MAGEA11: variants seen among roughly 807,000 people sequenced by gnomAD.
MAGEA11 encodes the protein melanoma-associated antigen 11.
In MAGEA11, 1 loss-of-function variant was observed where a neutral mutation model predicts 8.4. The observed-to-expected ratio is 0.12, with a 90% CI of 0.04 to 0.57. MAGEA11 has a LOEUF of 0.57. Among genes scored for constraint, MAGEA11 ranks in the 20% least tolerant of loss-of-function variants. The pLI is 0.91. For synonymous variants in MAGEA11, 127 were observed against 119.3 expected (o/e 1.06, Z -0.42); for missense variants, 209 against 317.3 (o/e 0.66, Z 2.59).
chrX:149,713,439 C>T, intron 2 of MAGEA11, 184 bp downstream of exon 2: 1 of 371,975 alleles, frequency 2.7e-6, no homozygotes, highest in Non-Finnish European at 4.6e-6. Flanking sequence ...GGTAGAAAAC[C>T]TGCCCCTGCC....
intron 1 of MAGEA11, among the ~76,000 whole-genome samples, chrX:149,696,855 G>A (rs963517112): frequency 2.7e-5 from 3 of 111,686 alleles, no homozygotes; most frequent in Non-Finnish European, 5.7e-5. Context: ...CCCTCTGCTC[G>A]GGCAGGTCGA....
At chrX:149,709,012 C>T, upstream of MAGEA11, among the ~76,000 whole-genome samples, 1 of 108,724 alleles carries the variant, frequency 9.2e-6, no homozygotes, top group South Asian at 4.0e-4. Flanking sequence ...AATGGCCCGG[C>T]GCAGTGGCTC....
intron 1 of MAGEA11, among the ~76,000 whole-genome samples, chrX:149,693,984 T>C (rs1260713645): frequency 8.9e-6 from 1 of 112,340 alleles, no homozygotes; most frequent in Non-Finnish European, 1.9e-5. Flanking sequence ...ACATTTAGGT[T>C]ATTTCCACTT....
intron 1 of MAGEA11, among the ~76,000 whole-genome samples, chrX:149,696,678 C>T (rs148936974): frequency 6.1e-4 from 68 of 111,194 alleles, no homozygotes; most frequent in African/African-American, 2.0e-3. Flanking sequence ...TCAGTCCTAA[C>T]CCACCTCACT....
intron 1 of MAGEA11, chrX:149,689,040 C>T: frequency 1.1e-6 from 1 of 951,887 alleles, no homozygotes; most frequent in Admixed American, 2.5e-5. Context: ...TGCCCAGGAC[C>T]AACTAATTCA....
At chrX:149,701,593 G>A (rs1241619556) in intron 1 of MAGEA11, among the ~76,000 whole-genome samples, 5 of 110,165 alleles carry the variant, frequency 4.5e-5, no homozygotes, top group Non-Finnish European at 7.6e-5. Context: ...TGTCAATTTC[G>A]TCTTTTGTTG....
chrX:149,688,963 G>A (rs1569561312), exon 1 of MAGEA11: 3 of 1,027,010 alleles, frequency 2.9e-6, no homozygotes, highest in Non-Finnish European at 3.9e-6. Flanking sequence ...ATTGATACAG[G>A]CTAGGAATAC....
At chrX:149,704,234 G>GA (rs1163668889) in intron 1 of MAGEA11, among the ~76,000 whole-genome samples, 1 of 112,098 alleles carries the variant, frequency 8.9e-6, no homozygotes, top group African/African-American at 3.2e-5. Flanking sequence ...TGGGTCCTAG[G>GA]ATAAAGGGTG....
At chrX:149,710,602 C>T (rs1557361832), upstream of MAGEA11, among the ~76,000 whole-genome samples, 1 of 110,998 alleles carries the variant, frequency 9.0e-6, no homozygotes, top group Admixed American at 9.5e-5. Flanking sequence ...TCACACGCCA[C>T]CACACCCAGC....
chrX:149,703,056 T>C (rs1377934235), intron 1 of MAGEA11, among the ~76,000 whole-genome samples: 1 of 111,445 alleles, frequency 9.0e-6, no homozygotes, highest in African/African-American at 3.3e-5. Context: ...AGGCCTAGAC[T>C]AGAGCAATGA....
intron 1 of MAGEA11, among the ~76,000 whole-genome samples, chrX:149,689,399 C>T (rs1185877272): frequency 8.9e-6 from 1 of 111,979 alleles, no homozygotes; most frequent in African/African-American, 3.2e-5. Context: ...CACAATGCAT[C>T]CCATATCTCA....
chrX:149,691,793 A>T (rs2090311601), intron 1 of MAGEA11, among the ~76,000 whole-genome samples: 1 of 112,723 alleles, frequency 8.9e-6, no homozygotes, highest in African/African-American at 3.2e-5. Flanking sequence ...CTCAAAAAAC[A>T]TCAAGGCTTT....
chrX:149,694,686 T>G (rs2090323473), intron 1 of MAGEA11, among the ~76,000 whole-genome samples: 1 of 111,702 alleles, frequency 9.0e-6, no homozygotes. Context: ...TCTTTTCTCT[T>G]TATTTCTTTT....
intron 1 of MAGEA11, among the ~76,000 whole-genome samples, chrX:149,703,058 G>A (rs1333050281): frequency 2.7e-5 from 3 of 111,429 alleles, no homozygotes; most frequent in Non-Finnish European, 5.6e-5. Context: ...GCCTAGACTA[G>A]AGCAATGACA....
At position 149,716,766 on chromosome X, in the gene MAGEA11, A is replaced by T; in HGVS notation, c.1280A>T (p.Glu427Val). The change falls in exon 5 of 5, where the codon GAG becomes GTG. Residue 427 changes from glutamate to valine, a missense_variant. By Grantham distance (121) the Glu-to-Val change is moderately radical (BLOSUM62 -2). This residue lies in a region of MAGEA11 where 78 missense variants were observed against 178.8 expected (regional missense o/e 0.44). Transcript: ENST00000355220. ...LYEDALREEG[E>V]GV ...GAAGATGCTTTGAGAGAGGAGGGAG[A>T]GGGAGTCTGAGCATGAGATGCAACC... 1 of 1,191,160 alleles carries T rather than the reference A, an allele frequency of 8.4e-7. No homozygotes were observed. The highest frequency in any genetic ancestry group is 1.9e-5 in the South Asian group (1 of 52,830).
intron 3 of MAGEA11, 115 bp downstream of exon 3, chrX:149,714,691 G>C: frequency 9.2e-7 from 1 of 1,082,987 alleles, no homozygotes; most frequent in Non-Finnish European, 1.2e-6. Flanking sequence ...ACTATGTGCT[G>C]AGACCCCTCT....
At chrX:149,704,788 C>A (rs1338065548) in intron 1 of MAGEA11, among the ~76,000 whole-genome samples, 2 of 112,467 alleles carry the variant, frequency 1.8e-5, no homozygotes, top group African/African-American at 6.5e-5. Flanking sequence ...CTGGCCTGGT[C>A]TCTTTTATTC....
intron 1 of MAGEA11, among the ~76,000 whole-genome samples, chrX:149,701,001 T>C (rs1337431326): frequency 1.8e-5 from 2 of 109,257 alleles, no homozygotes; most frequent in Admixed American, 9.8e-5. Context: ...GTCTTTGCTA[T>C]TGTGAATAGT....
chrX:149,689,394 T>G (rs183900406), intron 1 of MAGEA11, among the ~76,000 whole-genome samples: 45 of 112,170 alleles, frequency 4.0e-4, no homozygotes, highest in African/African-American at 1.4e-3. Flanking sequence ...GACACCACAA[T>G]GCATCCCATA....
Sources: allele counts gnomAD v4.1 joint callset (sites outside exome capture counted in the v4.1 genomes callset), GRCh38; gene constraint gnomAD v4.1.1; regional missense constraint gnomAD v4.1.1; transcripts MANE v1.5; gene names NCBI Gene and HGNC (gene_info 2026-07-23, HGNC 2026-07-21).